GTF2A1: variants seen among roughly 807,000 people sequenced by gnomAD.
GTF2A1 encodes transcription initiation factor IIA subunit 1.
Under a neutral mutation model 54.1 loss-of-function variants are expected in GTF2A1, and 12 were observed. The observed-to-expected ratio is 0.22, with a 90% confidence interval of 0.14 to 0.36. The LOEUF (loss-of-function observed/expected upper bound fraction) is 0.36. Ranked by LOEUF, GTF2A1 falls within the 10% of genes least tolerant of loss-of-function variation. The pLI, the probability that GTF2A1 is intolerant of heterozygous loss-of-function variation, is 1.00. For missense variants in GTF2A1, 335 were observed against 442.2 expected, an observed-to-expected ratio of 0.76 and a Z score of 2.17; for synonymous variants, 145 against 152.0, an observed-to-expected ratio of 0.95 and a Z score of 0.34.
In GTF2A1 at chr14:81,196,134, C is replaced by T; in HGVS notation, c.586G>A (p.Gly196Arg). 6.2e-7 allele frequency: 1 copy of T among 1,613,776 alleles called. No individual in the cohort carries two copies. The highest frequency in any genetic ancestry group is 8.5e-7 in the Non-Finnish European group (1 of 1,179,694). Residue 196 changes from glycine (G) to arginine (R), a missense_variant, in exon 6 of 9, where the codon GGA becomes AGA. Around this residue, in one of 2 missense-constraint regions of GTF2A1, gnomAD observed 306 missense variants for 360.4 expected, o/e 0.85. Coordinates refer to ENST00000553612, the MANE Select transcript of GTF2A1 (RefSeq NM_015859.4). ...QQVIPQMQPGGVQAPVIQQVL... is the reference protein window; with the variant it reads ...QQVIPQMQPGRVQAPVIQQVL... ...TGCTGTATAACAGGAGCTTGTACTC[C>T]ACCAGGCTGCATTTGTGGTATAACC...
In GTF2A1 at chr14:81,194,215, G is replaced by C. The variant is rs77554492; in HGVS notation, c.613-1376C>G. 5.7e-3 allele frequency among the ~76,000 whole-genome samples: 873 copies of C among 152,312 alleles called. 9 individuals are homozygous for C. The highest frequency in any genetic ancestry group is 0.02 in the African/African-American group (823 of 41,578). ...TTCTCATAGGAGCAGGAACCCTACT[G>C]TGAACTGCACATGCAAGGATGGAGG... On this transcript the variant is annotated intron_variant, in intron 6 of 8. Transcript: ENST00000553612.
chr14:81,178,866 C>A lies in GTF2A1; in HGVS notation c.*1357G>T, dbSNP rs1892583255. On this transcript the variant is annotated 3_prime_UTR_variant, in exon 9 of 9. Transcript: ENST00000553612. The stretch of plus-strand genomic sequence containing the variant: ...ACAATGGTGAAGACAAGCATTCCTG[C>A]AGTTCTCCCAGGCAGTGAATTCACA... 6.6e-6 allele frequency: 1 copy of A among 152,240 alleles called. No individual in the cohort carries two copies. Among genetic ancestry groups the A allele is most frequent in the Admixed American group, 6.5e-5 (1 of 15,286 alleles). 9.4% of individuals were successfully genotyped at this position (152,240 alleles called of 1,614,324 possible). A position where few individuals can be genotyped will look rare whatever the true frequency, so the allele number is the denominator to read the frequency against.
At position 81,213,894 on chromosome 14, in the gene GTF2A1, G is replaced by A. The variant is rs1313382444; in HGVS notation, c.132+2519C>T. Among the ~76,000 whole-genome samples, 7 of 150,338 alleles carry A rather than the reference G, an allele frequency of 4.7e-5. No homozygotes were observed. In the East Asian group the frequency reaches 9.8e-4, roughly 21 times the overall value. ...GTCTTGATCTGTCACCCAGGCTGCA[G>A]TGTAGTGGCATGATCTCGGCTCACT... On this transcript the variant is annotated intron_variant, in intron 2 of 8. Coordinates refer to ENST00000553612, the MANE Select transcript of GTF2A1 (RefSeq NM_015859.4).
chr14:81,198,696 G>A (rs1409482278), intron 4 of GTF2A1, among the ~76,000 whole-genome samples: 1 of 151,816 alleles, frequency 6.6e-6, no homozygotes, highest in Non-Finnish European at 1.5e-5. Flanking sequence ...ATCTTCTTTA[G>A]CTACCAACCA....
intron 1 of GTF2A1, among the ~76,000 whole-genome samples, chr14:81,217,745 T>A (rs754386028): frequency 6.6e-6 from 1 of 152,000 alleles, no homozygotes; most frequent in South Asian, 2.1e-4. Flanking sequence ...TGAGCCAAGA[T>A]TGCACCACTG....
rs984843369 is a variant in GTF2A1, at chr14:81,179,221, ACTG to A, written c.*999_*1001del. On this transcript the variant is annotated 3_prime_UTR_variant, in exon 9 of 9. Coordinates refer to ENST00000553612, the MANE Select transcript of GTF2A1 (RefSeq NM_015859.4). ...CACAAGAAACTTTTATAATTACTAAACTGTTTAATAAAAATCCAGGTCCTCACC... is the reference window on the plus strand; with the variant it reads ...CACAAGAAACTTTTATAATTACTAAATTTAATAAAAATCCAGGTCCTCACC... 1 of 152,186 alleles carries A rather than the reference ACTG, an allele frequency of 6.6e-6. No individual in the cohort carries two copies. Among genetic ancestry groups the A allele is most frequent in the African/African-American group, 2.4e-5 (1 of 41,432 alleles). The allele number at this position is 152,186 out of a possible 1,614,324, so 9.4% of individuals were successfully genotyped here.
At chr14:81,183,528 A>C (rs1335054534) in intron 8 of GTF2A1, among the ~76,000 whole-genome samples, 1 of 152,226 alleles carries the variant, frequency 6.6e-6, no homozygotes, top group Non-Finnish European at 1.5e-5. Context: ...ATAAATGGTA[A>C]ATATTTTTAT....
chr14:81,190,057 ATTC>A (rs1892841352), intron 7 of GTF2A1, among the ~76,000 whole-genome samples: 1 of 152,088 alleles, frequency 6.6e-6, no homozygotes, highest in South Asian at 2.1e-4. Flanking sequence ...ATGACAAAGG[ATTC>A]TGGCATCAAA....
Position 81,176,250 on chromosome 14 carries a change from G to T in GTF2A1, c.*3973C>A, listed in dbSNP as rs539982936. 1 of 152,068 alleles carries T rather than the reference G, an allele frequency of 6.6e-6. No homozygotes were observed. Among genetic ancestry groups the T allele is most frequent in the Admixed American group, 6.5e-5 (1 of 15,276 alleles). The allele number at this position is 152,068 out of a possible 1,614,324, so 9.4% of individuals were successfully genotyped here. ...AGTTCTCTAATTGTATTCCAAGATG[G>T]TCTTTAAAACATAATATCCCATATA... On this transcript the variant is annotated 3_prime_UTR_variant, in exon 9 of 9. Coordinates refer to ENST00000553612, the MANE Select transcript of GTF2A1 (RefSeq NM_015859.4).
At chr14:81,203,215 C>T (rs910422284) in intron 3 of GTF2A1, among the ~76,000 whole-genome samples, 5 of 152,174 alleles carry the variant, frequency 3.3e-5, no homozygotes, top group African/African-American at 1.2e-4. Context: ...TTATAAGATG[C>T]CAGTGAAACA....
chr14:81,208,985 A>G (rs565148476), intron 2 of GTF2A1, among the ~76,000 whole-genome samples: 2 of 152,178 alleles, frequency 1.3e-5, no homozygotes, highest in Non-Finnish European at 2.9e-5. Context: ...GTCTCAGATG[A>G]GACTCTGGAC....
intron 2 of GTF2A1, among the ~76,000 whole-genome samples, chr14:81,211,163 G>A (rs1462732482): frequency 6.6e-6 from 1 of 152,148 alleles, no homozygotes; most frequent in African/African-American, 2.4e-5. Context: ...GACAGAATAG[G>A]GATATAACCC....
At chr14:81,221,113 G>A (rs1893639658), upstream of GTF2A1, 1 of 152,386 alleles carries the variant, frequency 6.6e-6, no homozygotes, top group African/African-American at 2.4e-5. Flanking sequence ...TGGACTGGCG[G>A]AGCCCGGGGA....
Position 81,177,711 on chromosome 14 carries a change from G to T in GTF2A1, c.*2512C>A, listed in dbSNP as rs1892556912. On this transcript the variant is annotated 3_prime_UTR_variant, in exon 9 of 9. Coordinates refer to ENST00000553612, the MANE Select transcript of GTF2A1 (RefSeq NM_015859.4). ...GTGGAAATCCCTTGCCTTTTCAAAG[G>T]AATGACATTTTAATGGAACCTAATA... 6.6e-6 allele frequency: 1 copy of T among 152,000 alleles called. No individual in the cohort carries two copies. The highest frequency in any genetic ancestry group is 2.4e-5 in the African/African-American group (1 of 41,398). The allele number at this position is 152,000 out of a possible 1,614,324, so 9.4% of individuals were successfully genotyped here. A position where few individuals can be genotyped will look rare whatever the true frequency, so the allele number is the denominator to read the frequency against.
chr14:81,210,597 C>T (rs987356991), intron 2 of GTF2A1, among the ~76,000 whole-genome samples: 3 of 152,056 alleles, frequency 2.0e-5, no homozygotes, highest in African/African-American at 4.8e-5. Context: ...CTTTGTTGTC[C>T]GGGCTGGAGT....
At chr14:81,205,819 A>G (rs999004303) in intron 2 of GTF2A1, among the ~76,000 whole-genome samples, 1 of 152,218 alleles carries the variant, frequency 6.6e-6, no homozygotes, top group Non-Finnish European at 1.5e-5. Context: ...CTGAGATCCC[A>G]TGTTGTGTCT....
chr14:81,208,226 T>G (rs61980898), intron 2 of GTF2A1, among the ~76,000 whole-genome samples: 1 of 152,028 alleles, frequency 6.6e-6, no homozygotes, highest in Non-Finnish European at 1.5e-5. Flanking sequence ...GCCTAGGGAT[T>G]TGGTGCCCTG....
intron 2 of GTF2A1, among the ~76,000 whole-genome samples, chr14:81,210,128 C>T (rs1051637691): frequency 2.0e-5 from 3 of 148,882 alleles, no homozygotes; most frequent in African/African-American, 7.3e-5. Flanking sequence ...TTGAACATGG[C>T]CCCACACATT....
rs374089123 is a variant in GTF2A1 at position 81,188,466 on chromosome 14, A to G, written c.934-2846T>C. Among the ~76,000 whole-genome samples the G allele has an allele frequency of 1.5e-3, 227 of 152,284 alleles. 8 individuals are homozygous for G. The South Asian group carries it at 0.046, about 31-fold the overall frequency. ...TTTGATTGCTTGTACTCTGGGTGTC[A>G]TGTCTAAGAAAACTGTTGCAAGCGG... On this transcript the variant is annotated intron_variant, in intron 7 of 8. Coordinates refer to ENST00000553612, the MANE Select transcript of GTF2A1 (RefSeq NM_015859.4).
Sources: gnomAD v4.1 joint callset for allele counts (sites outside exome capture counted in the v4.1 genomes callset) on GRCh38, gnomAD v4.1.1 for gene constraint, gnomAD v4.1.1 regional missense constraint, MANE v1.5 for transcripts, NCBI Gene and HGNC (gene_info 2026-07-23, HGNC 2026-07-21) for gene names.